The following PRKCB variants were observed in gnomAD, a reference collection of about 807,000 sequenced individuals.
PRKCB encodes protein kinase C beta.
In PRKCB, 13 loss-of-function variants were observed where a neutral mutation model predicts 81.5. The observed-to-expected ratio is 0.16, with a 90% CI of 0.10 to 0.25. The LOEUF (loss-of-function observed/expected upper bound fraction) is 0.25. PRKCB is among the 10% of genes least tolerant of loss of function. The pLI is 1.00. For synonymous variants in PRKCB, 335 were observed against 321.4 expected, an observed-to-expected ratio of 1.04 and a Z score of -0.45; for missense variants, 509 against 875.7, an observed-to-expected ratio of 0.58 and a Z score of 5.29.
At chr16:23,925,919 T>C (rs1308130593) in intron 2 of PRKCB, among the ~76,000 whole-genome samples, 1 of 151,514 alleles carries the variant, frequency 6.6e-6, no homozygotes, top group African/African-American at 2.4e-5. Context: ...TATTTGACTT[T>C]CTCTTTCTGA....
chr16:23,933,768 CTCCATCCATCCA>C (rs377110328), intron 2 of PRKCB, among the ~76,000 whole-genome samples: 3,311 of 125,714 alleles, frequency 0.026, 146 homozygotes, highest in African/African-American at 0.097. Context: ...CATCTATCCA[CTCCATCCATCCA>C]TCCATCCATC....
chr16:24,052,528 G>A (rs1216856622), intron 5 of PRKCB, among the ~76,000 whole-genome samples: 3 of 152,176 alleles, frequency 2.0e-5, no homozygotes, highest in Non-Finnish European at 4.4e-5. Context: ...CTGATTATAT[G>A]CTAAAAAAGG....
At chr16:24,035,602 A>G in intron 5 of PRKCB, 55 bp downstream of exon 5, 2 of 1,141,482 alleles carry the variant, frequency 1.8e-6, no homozygotes, top group East Asian at 5.8e-5. Flanking sequence ...TGTGTGATTG[A>G]GAAGGGGAGG....
intron 16 of PRKCB, among the ~76,000 whole-genome samples, chr16:24,209,273 C>CTGGTA: frequency 6.6e-6 from 1 of 152,144 alleles, no homozygotes; most frequent in South Asian, 2.1e-4. Context: ...CCAGCAGTCC[C>CTGGTA]TGCCACCATC....
chr16:23,896,971 CCCAT>C (rs1387652995), intron 2 of PRKCB, among the ~76,000 whole-genome samples: 1 of 151,738 alleles, frequency 6.6e-6, no homozygotes, highest in East Asian at 1.9e-4. Context: ...CATCTACCCA[CCCAT>C]CCATCCATCC....
chr16:24,213,605 T>C (rs1968179943), intron 16 of PRKCB, among the ~76,000 whole-genome samples: 1 of 152,212 alleles, frequency 6.6e-6, no homozygotes, highest in Non-Finnish European at 1.5e-5. Context: ...GCAGTCATAA[T>C]TGTTATTACT....
intron 2 of PRKCB, among the ~76,000 whole-genome samples, chr16:23,915,646 T>C (rs1963725541): frequency 8.2e-6 from 1 of 122,212 alleles, no homozygotes. Flanking sequence ...GAGCTTTGAT[T>C]GCACCACTGC....
chr16:23,913,255 G>A (rs1283519543), intron 2 of PRKCB, among the ~76,000 whole-genome samples: 5 of 151,958 alleles, frequency 3.3e-5, no homozygotes, highest in Non-Finnish European at 4.4e-5. Context: ...GAACACAAGG[G>A]GAGACCCAAC....
intron 9 of PRKCB, 122 bp downstream of exon 9, chr16:24,124,103 C>A: frequency 1.7e-6 from 2 of 1,145,968 alleles, no homozygotes; most frequent in Non-Finnish European, 1.3e-6. Context: ...AATAGAGCCA[C>A]ACTACACTTT....
At chr16:24,205,645 C>T (rs1187551243) in intron 16 of PRKCB, among the ~76,000 whole-genome samples, 1 of 152,184 alleles carries the variant, frequency 6.6e-6, no homozygotes, top group African/African-American at 2.4e-5. Context: ...TTGCAAAACA[C>T]TTAACACAGT....
chr16:24,114,581 G>T (rs890758132), intron 8 of PRKCB, among the ~76,000 whole-genome samples: 2 of 152,110 alleles, frequency 1.3e-5, no homozygotes, highest in Non-Finnish European at 1.5e-5. Context: ...AGAGCAGCAG[G>T]TGTATAGGAC....
chr16:24,209,933 A>C (rs1315480901), intron 16 of PRKCB, among the ~76,000 whole-genome samples: 4 of 150,200 alleles, frequency 2.7e-5, no homozygotes, highest in East Asian at 2.0e-4. Flanking sequence ...GCAAGACCCC[A>C]CACACACACC....
chr16:23,843,277 G>A (rs1418671952), intron 2 of PRKCB, among the ~76,000 whole-genome samples: 1 of 152,018 alleles, frequency 6.6e-6, no homozygotes, highest in Non-Finnish European at 1.5e-5. Context: ...AAGTTTAGAG[G>A]TTACTTCTAT....
At chr16:24,059,730 G>A (rs1329285298) in intron 5 of PRKCB, among the ~76,000 whole-genome samples, 2 of 152,136 alleles carry the variant, frequency 1.3e-5, no homozygotes, top group East Asian at 1.9e-4. Context: ...GGAACCAGCC[G>A]AGTAAATGGT....
At chr16:24,099,624 A>C (rs984987434) in intron 7 of PRKCB, 7 of 152,228 alleles carry the variant, frequency 4.6e-5, no homozygotes, top group African/African-American at 1.7e-4. Flanking sequence ...GAGATTCTTT[A>C]ATTTGCAGTT....
intron 3 of PRKCB, among the ~76,000 whole-genome samples, chr16:23,997,205 G>C (rs998877687): frequency 6.6e-6 from 1 of 152,138 alleles, no homozygotes; most frequent in African/African-American, 2.4e-5. Context: ...AAGTTGGCTG[G>C]AGTGATTGAT....
At chr16:24,183,537 C>G (rs1276719600) in intron 13 of PRKCB, among the ~76,000 whole-genome samples, 1 of 152,166 alleles carries the variant, frequency 6.6e-6, no homozygotes, top group Non-Finnish European at 1.5e-5. Context: ...GATCAAGAAA[C>G]AAACATTCAC....
intron 5 of PRKCB, among the ~76,000 whole-genome samples, chr16:24,087,524 A>T (rs974507291): frequency 6.6e-5 from 10 of 152,196 alleles, no homozygotes; most frequent in Non-Finnish European, 1.5e-5. Context: ...TTCCTTAATA[A>T]ATCCTTCACT....
At chr16:24,122,912 G>A (rs536745308) in intron 8 of PRKCB, among the ~76,000 whole-genome samples, 8 of 152,268 alleles carry the variant, frequency 5.3e-5, no homozygotes, top group African/African-American at 1.9e-4. Context: ...CACAGCTCAT[G>A]GCAAGGAGTC....
Sources: allele counts gnomAD v4.1 joint callset (sites outside exome capture counted in the v4.1 genomes callset), GRCh38; gene constraint gnomAD v4.1.1; transcripts MANE v1.5; gene names NCBI Gene and HGNC (gene_info 2026-07-23, HGNC 2026-07-21).